The following H1-7 variants were observed in gnomAD, a reference collection of about 807,000 sequenced individuals.
H1-7 encodes testis-specific H1 histone.
A neutral mutation model predicts 0.3 loss-of-function variants in H1-7; 1 was observed. The ratio of observed to expected loss-of-function variants is 3.06; its 90% CI spans 1.09 to 14.53. The LOEUF is 14.53. H1-7 is among the 30% of genes most tolerant of loss of function. The probability of loss-of-function intolerance (pLI) is 0.12; values close to 1 mark genes in which losing one functional copy is unlikely to be tolerated. For missense variants in H1-7, 393 were observed against 353.1 expected, an observed-to-expected ratio of 1.11 and a Z score of -0.91; for synonymous variants, 177 against 153.2, an observed-to-expected ratio of 1.16 and a Z score of -1.15.
In H1-7 at chr12:48,329,138, CTTGGA is replaced by C. The variant is rs754064548; in HGVS notation, c.-149_-145del. The C allele has an allele frequency of 1.2e-6, 1 of 849,454 alleles. No homozygotes were observed. The highest frequency in any genetic ancestry group is 1.8e-6 in the Non-Finnish European group (1 of 568,354). 52.6% of individuals were successfully genotyped at this position (849,454 alleles called of 1,614,324 possible). A position where few individuals can be genotyped will look rare whatever the true frequency, so the allele number is the denominator to read the frequency against. ...GTTGGGGGTGGACAGGCGCTGAAGA[CTTGGA>C]TTGGTTTAGACCTAGAAGGAAGTGG... is the stretch of plus-strand genomic sequence containing the variant. On this transcript the variant is annotated 5_prime_UTR_variant, in exon 1 of 1. Transcript: ENST00000335017.
In H1-7 at chr12:48,329,873, G is replaced by C; in HGVS notation, c.582G>C (p.Pro194=). 1 of 1,588,790 alleles carries C rather than the reference G, an allele frequency of 6.3e-7. No individual in the cohort carries two copies. The highest frequency in any genetic ancestry group is 1.3e-5 in the African/African-American group (1 of 74,734). The stretch of plus-strand genomic sequence containing the variant: ...CGAGGAGGACCAGGAGGGCAAGGCC[G>C]AGAGCCAAGGAGCCGCCGTGTGCCA... ...ARARRTRRAR[P]RAKEPPCARA... The change falls in exon 1 of 1, where the codon CCG becomes CCC. Residue 194 remains proline (P), a synonymous_variant. Coordinates refer to ENST00000335017, the MANE Select transcript of H1-7 (RefSeq NM_181788.1).
In H1-7 at chr12:48,329,877, G is replaced by A. The variant is rs933238853; in HGVS notation, c.586G>A (p.Ala196Thr). 3 of 1,589,336 alleles carry A rather than the reference G, an allele frequency of 1.9e-6. No homozygotes were observed. In the African/African-American group the frequency reaches 4.0e-5, roughly 21 times the overall value. The change falls in exon 1 of 1, where the codon GCC (alanine) becomes ACC (threonine). Residue 196 changes from alanine to threonine, a missense_variant. Transcript: ENST00000335017. ...GAGGACCAGGAGGGCAAGGCCGAGA[G>A]CCAAGGAGCCGCCGTGTGCCAGAGC... is the stretch of plus-strand genomic sequence containing the variant. ...ARRTRRARPR[A>T]KEPPCARAKE...
rs1439124097 is a variant in H1-7 at position 48,329,855 on chromosome 12, G to A, written c.564G>A (p.Arg188=). 2 of 1,589,860 alleles carry A rather than the reference G, an allele frequency of 1.3e-6. No individual in the cohort carries two copies. Among genetic ancestry groups the A allele is most frequent in the Admixed American group, 1.8e-5 (1 of 54,250 alleles). ...AKAKANARAR[R]TRRARPRAKE... ...CCAAGGCCAATGCCAGGGCGAGGAGGACCAGGAGGGCAAGGCCGAGAGCCA... is the reference window on the plus strand; with the variant it reads ...CCAAGGCCAATGCCAGGGCGAGGAGAACCAGGAGGGCAAGGCCGAGAGCCA... Residue 188 remains arginine, a synonymous_variant, in exon 1 of 1, where the codon AGG becomes AGA. Transcript: ENST00000335017.
At chr12:48,329,549 CG>C in the H1-7 span, 1 of 1,613,124 alleles carries the variant, frequency 6.2e-7, no homozygotes, top group Admixed American at 1.7e-5. Flanking sequence ...TCCGAAACGC[CG>C]GCTACGAAGT....
rs929364518 is a variant in H1-7, at chr12:48,330,261, G to A, written c.*202G>A. On this transcript the variant is annotated 3_prime_UTR_variant, in exon 1 of 1. Transcript: ENST00000335017. ...GAGCGGCTGTCACACTCATTGAAATGAAATGGACCTCTAGACCACCTTGTG... is the reference window on the plus strand; with the variant it reads ...GAGCGGCTGTCACACTCATTGAAATAAAATGGACCTCTAGACCACCTTGTG... 3 of 627,924 alleles carry A rather than the reference G, an allele frequency of 4.8e-6. No individual in the cohort carries two copies. The African/African-American group carries it at 5.5e-5, about 12-fold the overall frequency. 38.9% of individuals were successfully genotyped at this position (627,924 alleles called of 1,614,324 possible). A position where few individuals can be genotyped will look rare whatever the true frequency, so the allele number is the denominator to read the frequency against.
chr12:48,329,468 A>T lies in H1-7; in HGVS notation c.177A>T (p.Arg59Ser). The T allele has an allele frequency of 1.2e-6, 2 of 1,614,160 alleles. No individual in the cohort carries two copies. Among genetic ancestry groups the T allele is most frequent in the Non-Finnish European group, 1.7e-6 (2 of 1,180,004 alleles). ...PSRGCSSSVL[R>S]VSQLVLQAIS... ...GGGGCTGCTCAAGCTCCGTGCTCAG[A>T]GTGTCCCAGTTGGTGCTCCAGGCCA... The change falls in exon 1 of 1, where the codon AGA (arginine) becomes AGT (serine). Residue 59 changes from arginine (R) to serine (S), a missense_variant. Transcript: ENST00000335017.
Position 48,329,311 on chromosome 12 carries a change from G to C in H1-7, c.20G>C (p.Gly7Ala). ...TCAGCTATGGAACAGGCCTTGACTG[G>C]TGAGGCCCAAAGCCGGTGGCCCCGC... is the stretch of plus-strand genomic sequence containing the variant. MEQALT[G>A]EAQSRWPRRG... The change falls in exon 1 of 1, where the codon GGT (glycine) becomes GCT (alanine). Residue 7 changes from glycine to alanine, a missense_variant. Physicochemically the swap from Gly to Ala is moderately conservative, Grantham distance 60. Transcript: ENST00000335017. 6.3e-7 allele frequency: 1 copy of C among 1,592,722 alleles called. No homozygotes were observed. Among genetic ancestry groups the C allele is most frequent in the Non-Finnish European group, 8.5e-7 (1 of 1,170,200 alleles).
chr12:48,329,518 T>C lies in H1-7; in HGVS notation c.227T>C (p.Leu76Pro). ...ATCTCCACTCACAAAGGGCTGACTC[T>C]GGCAGCTCTCAAGAAGGAGCTCCGA... The part of the protein sequence containing the change: ...QAISTHKGLT[L>P]AALKKELRNA... Residue 76 changes from leucine to proline, a missense_variant, in exon 1 of 1, where the codon CTG becomes CCG. Physicochemically the swap from Leu to Pro is moderately conservative, Grantham distance 98. Coordinates refer to ENST00000335017, the MANE Select transcript of H1-7 (RefSeq NM_181788.1). 1.2e-6 allele frequency: 2 copies of C among 1,613,952 alleles called. No homozygotes were observed. Among genetic ancestry groups the C allele is most frequent in the Non-Finnish European group, 1.7e-6 (2 of 1,179,978 alleles).
At position 48,329,708 on chromosome 12, in the gene H1-7, G is replaced by A. The variant is rs1052298064; in HGVS notation, c.417G>A (p.Glu139=). The A allele has an allele frequency of 3.1e-6, 5 of 1,609,504 alleles. No homozygotes were observed. In the African/African-American group the frequency reaches 5.3e-5, roughly 17 times the overall value. Residue 139 remains glutamate, a synonymous_variant, in exon 1 of 1, where the codon GAG becomes GAA. Coordinates refer to ENST00000335017, the MANE Select transcript of H1-7 (RefSeq NM_181788.1). ...AGCCGGGACGCGCGAGGCAAGAGGA[G>A]GGCACGCGCGCTCCCTGGAGGACCC... The part of the protein sequence containing the change: ...RRKPGRARQE[E]GTRAPWRTPA...
chr12:48,329,190 T>G lies in H1-7; in HGVS notation c.-102T>G. On this transcript the variant is annotated 5_prime_UTR_variant, in exon 1 of 1. Coordinates refer to ENST00000335017, the MANE Select transcript of H1-7 (RefSeq NM_181788.1). ...GTGGCATTTGATTGGTTATTATAAG[T>G]GAAAAGGGCCCCTCCCCGGGTGAGA... 1 of 1,356,074 alleles carries G rather than the reference T, an allele frequency of 7.4e-7. No homozygotes were observed. 84.0% of individuals were successfully genotyped at this position (1,356,074 alleles called of 1,614,324 possible). A position where few individuals can be genotyped will look rare whatever the true frequency, so the allele number is the denominator to read the frequency against.
Position 48,329,072 on chromosome 12 carries a change from ATTTGG to A in H1-7, c.-219_-215del. On this transcript the variant is annotated 5_prime_UTR_variant, in exon 1 of 1. Transcript: ENST00000335017. ...GTGGAGATCGAGATCAGTAAGTTTG[ATTTGG>A]GAACAAAACCCTGGAGACTCTATAG... 2.0e-6 allele frequency: 1 copy of A among 495,122 alleles called. No individual in the cohort carries two copies. The highest frequency in any genetic ancestry group is 3.5e-6 in the Non-Finnish European group (1 of 287,088). 30.7% of individuals were successfully genotyped at this position (495,122 alleles called of 1,614,324 possible). A position where few individuals can be genotyped will look rare whatever the true frequency, so the allele number is the denominator to read the frequency against.
chr12:48,329,030 G>A lies in H1-7; in HGVS notation c.-262G>A, dbSNP rs1385206662. ...CAGGACCACATACACACACAAAATA[G>A]CCGACTAAAGAAAGCGGTGGAGATC... On this transcript the variant is annotated 5_prime_UTR_variant, in exon 1 of 1. Coordinates refer to ENST00000335017, the MANE Select transcript of H1-7 (RefSeq NM_181788.1). 6 of 457,440 alleles carry A rather than the reference G, an allele frequency of 1.3e-5. No individual in the cohort carries two copies. The highest frequency in any genetic ancestry group is 2.3e-5 in the Non-Finnish European group (6 of 260,360). 28.3% of individuals were successfully genotyped at this position (457,440 alleles called of 1,614,324 possible). A position where few individuals can be genotyped will look rare whatever the true frequency, so the allele number is the denominator to read the frequency against.
chr12:48,329,642 C>T lies in H1-7; in HGVS notation c.351C>T (p.Ala117=), dbSNP rs372377328. ...TLLRVSGSDA[A]GYFRVWKVPK... ...TCCGGGTCAGCGGCAGCGACGCCGCCGGCTACTTCAGGGTCTGGAAGGTTC... is the reference window on the plus strand; with the variant it reads ...TCCGGGTCAGCGGCAGCGACGCCGCTGGCTACTTCAGGGTCTGGAAGGTTC... Residue 117 remains alanine (A), a synonymous_variant, in exon 1 of 1, where the codon GCC becomes GCT. Coordinates refer to ENST00000335017, the MANE Select transcript of H1-7 (RefSeq NM_181788.1). The T allele has an allele frequency of 1.2e-6, 2 of 1,611,732 alleles. No homozygotes were observed. Among genetic ancestry groups the T allele is most frequent in the Non-Finnish European group, 8.5e-7 (1 of 1,179,344 alleles).
Position 48,329,179 on chromosome 12 carries a change from G to A in H1-7, c.-113G>A. On this transcript the variant is annotated 5_prime_UTR_variant, in exon 1 of 1. Coordinates refer to ENST00000335017, the MANE Select transcript of H1-7 (RefSeq NM_181788.1). The stretch of plus-strand genomic sequence containing the variant: ...CCTAGAAGGAAGTGGCATTTGATTG[G>A]TTATTATAAGTGAAAAGGGCCCCTC... 7.9e-7 allele frequency: 1 copy of A among 1,273,034 alleles called. No individual in the cohort carries two copies. Among genetic ancestry groups the A allele is most frequent in the East Asian group, 2.6e-5 (1 of 38,994 alleles). The allele number at this position is 1,273,034 out of a possible 1,614,324, so 78.9% of individuals were successfully genotyped here. A position where few individuals can be genotyped will look rare whatever the true frequency, so the allele number is the denominator to read the frequency against.
chr12:48,330,265 T>G lies in H1-7; in HGVS notation c.*206T>G, dbSNP rs1952550805. 8 of 620,562 alleles carry G rather than the reference T, an allele frequency of 1.3e-5. No homozygotes were observed. Among genetic ancestry groups the G allele is most frequent in the South Asian group, 8.3e-5 (4 of 47,938 alleles). The allele number at this position is 620,562 out of a possible 1,614,324, so 38.4% of individuals were successfully genotyped here. Reference sequence around the variant, plus strand: ...GGCTGTCACACTCATTGAAATGAAATGGACCTCTAGACCACCTTGTGTCTG... The same window carrying G: ...GGCTGTCACACTCATTGAAATGAAAGGGACCTCTAGACCACCTTGTGTCTG... On this transcript the variant is annotated 3_prime_UTR_variant, in exon 1 of 1. Coordinates refer to ENST00000335017, the MANE Select transcript of H1-7 (RefSeq NM_181788.1).
In H1-7 at chr12:48,330,085, C is replaced by A; in HGVS notation, c.*26C>A. On this transcript the variant is annotated 3_prime_UTR_variant, in exon 1 of 1. Transcript: ENST00000335017. The stretch of plus-strand genomic sequence containing the variant: ...CCAACGCGGGCTAAAACCGACCGGA[C>A]ATCTAGCGGGCAGGGGAAGACTCCA... 1.3e-6 allele frequency: 2 copies of A among 1,581,286 alleles called. No homozygotes were observed. Among genetic ancestry groups the A allele is most frequent in the Non-Finnish European group, 8.6e-7 (1 of 1,165,604 alleles).
chr12:48,329,280 T>C lies in H1-7; in HGVS notation c.-12T>C, dbSNP rs762141429. The C allele has an allele frequency of 1.3e-6, 2 of 1,524,028 alleles. No homozygotes were observed. Among genetic ancestry groups the C allele is most frequent in the East Asian group, 4.6e-5 (2 of 43,374 alleles). 94.4% of individuals were successfully genotyped at this position (1,524,028 alleles called of 1,614,324 possible). A position where few individuals can be genotyped will look rare whatever the true frequency, so the allele number is the denominator to read the frequency against. ...GGCCTGCCTTTGTGACGTGGCCCAG[T>C]CTACCTCAGCTATGGAACAGGCCTT... On this transcript the variant is annotated 5_prime_UTR_variant, in exon 1 of 1. Transcript: ENST00000335017.
At position 48,329,088 on chromosome 12, in the gene H1-7, C is replaced by G; in HGVS notation, c.-204C>G. Reference sequence around the variant, plus strand: ...GTAAGTTTGATTTGGGAACAAAACCCTGGAGACTCTATAGGTAGGTGACTG... The same window carrying G: ...GTAAGTTTGATTTGGGAACAAAACCGTGGAGACTCTATAGGTAGGTGACTG... On this transcript the variant is annotated 5_prime_UTR_variant, in exon 1 of 1. Transcript: ENST00000335017. 1.8e-6 allele frequency: 1 copy of G among 546,874 alleles called. No homozygotes were observed. The highest frequency in any genetic ancestry group is 3.1e-6 in the Non-Finnish European group (1 of 320,342). The allele number at this position is 546,874 out of a possible 1,614,324, so 33.9% of individuals were successfully genotyped here.
Position 48,329,625 on chromosome 12 carries a change from A to G in H1-7, c.334A>G (p.Ser112Gly). 1 of 1,611,936 alleles carries G rather than the reference A, an allele frequency of 6.2e-7. No individual in the cohort carries two copies. The highest frequency in any genetic ancestry group is 8.5e-7 in the Non-Finnish European group (1 of 1,179,362). ...GQAKATLLRV[S>G]GSDAAGYFRV... ...GGCCAAGGCCACGCTCCTCCGGGTCAGCGGCAGCGACGCCGCCGGCTACTT... is the reference window on the plus strand; with the variant it reads ...GGCCAAGGCCACGCTCCTCCGGGTCGGCGGCAGCGACGCCGCCGGCTACTT... The change falls in exon 1 of 1, where the codon AGC becomes GGC. Residue 112 changes from serine to glycine, a missense_variant. Coordinates refer to ENST00000335017, the MANE Select transcript of H1-7 (RefSeq NM_181788.1).
Sources: allele counts gnomAD v4.1 joint callset, GRCh38; gene constraint gnomAD v4.1.1; transcripts MANE v1.5; gene names NCBI Gene and HGNC (gene_info 2026-07-23, HGNC 2026-07-21).